The following UGT1A5 variants were observed in gnomAD, a reference collection of about 807,000 sequenced individuals.
The protein encoded by UGT1A5 is UDP-glucuronosyltransferase 1A5.
A neutral mutation model predicts 40.3 loss-of-function variants in UGT1A5; 29 were observed. The ratio of observed to expected loss-of-function variants is 0.72; its 90% CI spans 0.54 to 0.98. The LOEUF (loss-of-function observed/expected upper bound fraction) is 0.98, where lower values mean the gene tolerates loss of function less well. Among genes scored for constraint, UGT1A5 ranks in the 50% least tolerant of loss-of-function variants. The probability of loss-of-function intolerance (pLI) is 0.00; values close to 1 mark genes in which losing one functional copy is unlikely to be tolerated. For missense variants in UGT1A5, 678 were observed against 677.9 expected, an observed-to-expected ratio of 1.00 and a Z score of 0.00; for synonymous variants, 257 against 262.5, an observed-to-expected ratio of 0.98 and a Z score of 0.20.
At chr2:233,760,770 C>T in intron 1 of UGT1A5, 2 of 1,614,054 alleles carry the variant, frequency 1.2e-6, no homozygotes, top group Non-Finnish European at 1.7e-6. Context: ...CCATCGTGGC[C>T]CAGTACCTGT....
intron 1 of UGT1A5, chr2:233,755,460 GCT>G (rs1695928623): frequency 3.6e-6 from 1 of 281,062 alleles, no homozygotes. Flanking sequence ...GACTGGCCCT[GCT>G]CTCTGTGAGG....
intron 1 of UGT1A5, chr2:233,760,610 G>T (rs1389365341): frequency 1.2e-6 from 2 of 1,614,182 alleles, no homozygotes; most frequent in South Asian, 2.2e-5. Flanking sequence ...TTCCTGCAGC[G>T]TGTGATCAAA....
At chr2:233,720,574 T>A (rs1460258632) in intron 1 of UGT1A5, among the ~76,000 whole-genome samples, 1 of 152,136 alleles carries the variant, frequency 6.6e-6, no homozygotes, top group Non-Finnish European at 1.5e-5. Context: ...CTATTCTTTT[T>A]CCAAAAATTT....
chr2:233,714,639 G>A lies in UGT1A5; in HGVS notation c.867+781G>A, dbSNP rs575235602. On this transcript the variant is annotated intron_variant, in intron 1 of 4. Coordinates refer to ENST00000373414, the MANE Select transcript of UGT1A5 (RefSeq NM_019078.2). ...AAAAAGAAACCACTAAAATTAATGTGAATAATGCATTTTATTTAACCAGAT... is the reference window on the plus strand; with the variant it reads ...AAAAAGAAACCACTAAAATTAATGTAAATAATGCATTTTATTTAACCAGAT... 1.5e-3 allele frequency among the ~76,000 whole-genome samples: 236 copies of A among 152,314 alleles called. 2 individuals are homozygous for A. The highest frequency in any genetic ancestry group is 5.3e-3 in the African/African-American group (221 of 41,578).
chr2:233,718,785 G>C (rs544842461), intron 1 of UGT1A5: 6 of 1,613,086 alleles, frequency 3.7e-6, no homozygotes, highest in Admixed American at 1.7e-5. Context: ...GGCACAGCGT[G>C]GGGTGGACAG....
chr2:233,721,297 G>C (rs770095784), intron 1 of UGT1A5, among the ~76,000 whole-genome samples: 1 of 152,120 alleles, frequency 6.6e-6, no homozygotes, highest in Non-Finnish European at 1.5e-5. Flanking sequence ...GAAGGCATTT[G>C]AATAGTGATT....
chr2:233,718,906 G>C (rs1018341076), intron 1 of UGT1A5: 4 of 1,613,954 alleles, frequency 2.5e-6, no homozygotes, highest in Admixed American at 1.7e-5. Context: ...GCTGAGAGTG[G>C]AAAGGTGTTG....
At chr2:233,766,771 C>A (rs71528513) in intron 1 of UGT1A5, among the ~76,000 whole-genome samples, 1 of 152,170 alleles carries the variant, frequency 6.6e-6, no homozygotes, top group Admixed American at 6.5e-5. Flanking sequence ...TGTACCTGTG[C>A]TTTTCTTTTG....
rs188436882 is a variant in UGT1A5, at chr2:233,767,775, A to G, written c.1000-74A>G. ...TTCCTTCAGAGGACCCCTGTTTTCT[A>G]GTTAGTATAGCAGATTTGTTTTCTA... is the stretch of plus-strand genomic sequence containing the variant. On this transcript the variant is annotated intron_variant, in intron 2 of 4. Transcript: ENST00000373414. 16 of 1,612,270 alleles carry G rather than the reference A, an allele frequency of 9.9e-6. No individual in the cohort carries two copies. In the East Asian group the frequency reaches 3.1e-4, roughly 31 times the overall value.
intron 1 of UGT1A5, among the ~76,000 whole-genome samples, chr2:233,761,761 G>A (rs990120638): frequency 6.6e-6 from 1 of 152,174 alleles, no homozygotes; most frequent in African/African-American, 2.4e-5. Flanking sequence ...TATGCAAAAA[G>A]TAGCATTCAC....
Position 233,713,202 on chromosome 2 carries a change from G to C in UGT1A5, c.211G>C (p.Glu71Gln). The C allele has an allele frequency of 6.2e-7, 1 of 1,614,240 alleles. No homozygotes were observed. Among genetic ancestry groups the C allele is most frequent in the South Asian group, 1.1e-5 (1 of 91,082 alleles). Residue 71 changes from glutamate to glutamine, a missense_variant, in exon 1 of 5, where the codon GAA (glutamate) becomes CAA (glutamine). Coordinates refer to ENST00000373414, the MANE Select transcript of UGT1A5 (RefSeq NM_019078.2). Reference protein sequence around the residue: ...LTLEVNMYIKEENFFTLTTYA... With the variant: ...LTLEVNMYIKQENFFTLTTYA... ...CCTGGAGGTGAATATGTACATCAAA[G>C]AAGAGAACTTTTTCACCCTGACAAC...
At chr2:233,715,699 G>A (rs1160022726) in intron 1 of UGT1A5, among the ~76,000 whole-genome samples, 1 of 152,162 alleles carries the variant, frequency 6.6e-6, no homozygotes, top group Non-Finnish European at 1.5e-5. Flanking sequence ...TTGATCCCAG[G>A]AGGTGGAGGC....
intron 1 of UGT1A5, among the ~76,000 whole-genome samples, chr2:233,766,497 A>T (rs906652149): frequency 3.9e-5 from 6 of 152,128 alleles, no homozygotes; most frequent in Admixed American, 3.9e-4. Context: ...GTGGCAGGCC[A>T]GGGTGGTTTT....
At position 233,767,254 on chromosome 2, in the gene UGT1A5, G is replaced by A. The variant is rs35359603; in HGVS notation, c.999+89G>A. The A allele has an allele frequency of 2.3e-4, 374 of 1,598,070 alleles. 1 individual carries two copies. In the African/African-American group the frequency reaches 4.6e-3, roughly 20 times the overall value. ...AGCTTCCAGATTAATTCTCTTAATTGGAACCTTAGATTTGGCTTTTCCCTG... is the reference window on the plus strand; with the variant it reads ...AGCTTCCAGATTAATTCTCTTAATTAGAACCTTAGATTTGGCTTTTCCCTG... On this transcript the variant is annotated intron_variant, in intron 2 of 4. Transcript: ENST00000373414.
chr2:233,723,542 A>ATTTTTTTTTTT (rs2077098328), intron 1 of UGT1A5, among the ~76,000 whole-genome samples: 1 of 74,518 alleles, frequency 1.3e-5, no homozygotes. Context: ...TTTTTAATTT[A>ATTTTTTTTTTT]TTTTTTTATT....
At chr2:233,761,055 T>G (rs1559407933) in intron 1 of UGT1A5, 1 of 1,614,230 alleles carries the variant, frequency 6.2e-7, no homozygotes, top group East Asian at 2.2e-5. Context: ...TCTGGCTGTT[T>G]AGAAGTGACT....
intron 1 of UGT1A5, among the ~76,000 whole-genome samples, chr2:233,763,208 C>A (rs998860630): frequency 1.3e-5 from 2 of 152,170 alleles, no homozygotes; most frequent in Non-Finnish European, 2.9e-5. Flanking sequence ...TGCAGTCAGG[C>A]TTAGGTGTGA....
chr2:233,713,443 C>G lies in UGT1A5; in HGVS notation c.452C>G (p.Thr151Arg), dbSNP rs1477253039. 1 of 1,614,054 alleles carries G rather than the reference C, an allele frequency of 6.2e-7. No individual in the cohort carries two copies. Among genetic ancestry groups the G allele is most frequent in the African/African-American group, 1.3e-5 (1 of 74,922 alleles). The change falls in exon 1 of 5, where the codon ACA becomes AGA. Residue 151 changes from threonine to arginine, a missense_variant. Transcript: ENST00000373414. ...LHATSFDVVL[T>R]DPFHLCAAVL... ...GCTACTTCCTTTGATGTGGTTCTAA[C>G]AGACCCCTTTCACCTCTGCGCGGCG...
At chr2:233,767,818 C>T (rs766005162) in intron 2 of UGT1A5, 31 bp from the exon 3 acceptor site, 60 of 1,614,028 alleles carry the variant, frequency 3.7e-5, no homozygotes, top group Non-Finnish European at 4.5e-5. Context: ...TATGTTCTTT[C>T]TTTACGTTCT....
Sources: allele counts gnomAD v4.1 joint callset (sites outside exome capture counted in the v4.1 genomes callset), GRCh38; gene constraint gnomAD v4.1.1; transcripts MANE v1.5; gene names NCBI Gene and HGNC (gene_info 2026-07-23, HGNC 2026-07-21).